The following PTER variants were observed in gnomAD, a reference collection of about 807,000 sequenced individuals.
PTER encodes N-acetyltaurine hydrolase.
PTER carries 38 observed loss-of-function variants against 29.6 expected under a neutral mutation model. That is an observed-to-expected ratio of 1.28 (90% CI 0.99 to 1.68). The LOEUF (loss-of-function observed/expected upper bound fraction) is 1.68. Ranked by LOEUF, PTER falls within the 40% of genes most tolerant of loss-of-function variation. The probability of loss-of-function intolerance (pLI) is 0.00; values close to 1 mark genes in which losing one functional copy is unlikely to be tolerated. For missense variants in PTER, 482 were observed against 427.8 expected (o/e 1.13, Z -1.12); for synonymous variants, 172 against 154.5 (o/e 1.11, Z -0.84).
intron 4 of PTER, among the ~76,000 whole-genome samples, chr10:16,506,463 A>T (rs1164792283): frequency 6.6e-6 from 1 of 152,196 alleles, no homozygotes; most frequent in African/African-American, 2.4e-5. Context: ...GACATGAAAT[A>T]ATGTTTTCCA....
At chr10:16,482,818 G>T (rs1362169427) in intron 1 of PTER, among the ~76,000 whole-genome samples, 1 of 151,818 alleles carries the variant, frequency 6.6e-6, no homozygotes, top group Admixed American at 6.6e-5. Flanking sequence ...ATCTCGCTCT[G>T]TTTCCCAGGC....
intron 1 of PTER, among the ~76,000 whole-genome samples, chr10:16,476,645 A>G (rs1482577626): frequency 6.6e-6 from 1 of 151,938 alleles, no homozygotes; most frequent in African/African-American, 2.4e-5. Context: ...GGCTCACTGC[A>G]GCCTCAGCCT....
chr10:16,443,700 G>T (rs10904741), intron 1 of PTER, among the ~76,000 whole-genome samples: 88,232 of 152,034 alleles, frequency 0.58, 26,955 homozygotes, highest in African/African-American at 0.78. Context: ...ATAATCAAGC[G>T]TACCTTGCAG....
chr10:16,472,988 T>C (rs1335640746), intron 1 of PTER, among the ~76,000 whole-genome samples: 1 of 151,478 alleles, frequency 6.6e-6, no homozygotes, highest in African/African-American at 2.4e-5. Context: ...GCTCTCCATA[T>C]TACATACCCA....
At chr10:16,450,175 G>A (rs1026342505) in intron 1 of PTER, among the ~76,000 whole-genome samples, 13 of 152,164 alleles carry the variant, frequency 8.5e-5, no homozygotes, top group African/African-American at 2.9e-4. Context: ...GTCATACTCT[G>A]AACCTCATCT....
intron 1 of PTER, among the ~76,000 whole-genome samples, chr10:16,454,798 C>T (rs1170714287): frequency 1.3e-5 from 2 of 151,472 alleles, no homozygotes; most frequent in African/African-American, 2.4e-5. Flanking sequence ...AATAATAGAA[C>T]AATAAATACT....
chr10:16,502,179 T>C (rs2133495554), intron 3 of PTER, among the ~76,000 whole-genome samples: 1 of 152,324 alleles, frequency 6.6e-6, no homozygotes, highest in South Asian at 2.1e-4. Flanking sequence ...CTGTAACTGG[T>C]GACTCCATTT....
At chr10:16,470,973 C>T (rs1383217628) in intron 1 of PTER, among the ~76,000 whole-genome samples, 2 of 152,116 alleles carry the variant, frequency 1.3e-5, no homozygotes, top group African/African-American at 4.8e-5. Context: ...CTGCTAACCC[C>T]TCATATGAGT....
rs113266550 is a variant in PTER, at chr10:16,479,136, C to T, written c.-48-5201C>T. 1.5e-3 allele frequency among the ~76,000 whole-genome samples: 231 copies of T among 151,862 alleles called. 2 individuals are homozygous for T. The highest frequency in any genetic ancestry group is 5.2e-3 in the African/African-American group (215 of 41,428). Reference sequence around the variant, plus strand: ...AATGAAACCCAACATTTTCCTCCAACGACAAGCTGCTCATTTGTGTCTCTG... The same window carrying T: ...AATGAAACCCAACATTTTCCTCCAATGACAAGCTGCTCATTTGTGTCTCTG... On this transcript the variant is annotated intron_variant, in intron 1 of 4. Coordinates refer to ENST00000535784, the MANE Select transcript of PTER (RefSeq NM_001261836.2).
chr10:16,501,368 CAT>C (rs1491360193), intron 3 of PTER, among the ~76,000 whole-genome samples: 3,680 of 45,752 alleles, frequency 0.08, 75 homozygotes, highest in South Asian at 0.31. Flanking sequence ...CACACACACA[CAT>C]GCACACACAC....
chr10:16,496,965 C>T (rs977478151), intron 3 of PTER, among the ~76,000 whole-genome samples: 1 of 144,670 alleles, frequency 6.9e-6, no homozygotes, highest in Non-Finnish European at 1.5e-5. Context: ...GATGAAATCT[C>T]ACACTGTCAC....
rs939064454 is a variant in PTER, at chr10:16,512,773, A to G, written c.*1517A>G. ...CCAGTAAAGCAAGCAAATTTTTAAA[A>G]TCTCTGTTTTTGAAATCTACTCGTC... is the stretch of plus-strand genomic sequence containing the variant. On this transcript the variant is annotated 3_prime_UTR_variant, in exon 5 of 5. Transcript: ENST00000535784. 3.9e-5 allele frequency: 6 copies of G among 152,544 alleles called. No individual in the cohort carries two copies. Among genetic ancestry groups the G allele is most frequent in the African/African-American group, 1.4e-4 (6 of 41,454 alleles). 9.4% of individuals were successfully genotyped at this position (152,544 alleles called of 1,614,324 possible).
At chr10:16,487,561 G>T (rs1443273568) in intron 3 of PTER, among the ~76,000 whole-genome samples, 2 of 152,068 alleles carry the variant, frequency 1.3e-5, no homozygotes, top group African/African-American at 2.4e-5. Context: ...ACTTTCAGAG[G>T]TTCCAAGAGT....
rs144847252 is a variant in PTER at position 16,475,420 on chromosome 10, T to C, written c.-48-8917T>C. 4.5e-3 allele frequency among the ~76,000 whole-genome samples: 692 copies of C among 152,244 alleles called. 4 individuals carry two copies. Among genetic ancestry groups the C allele is most frequent in the African/African-American group, 0.016 (659 of 41,536 alleles). On this transcript the variant is annotated intron_variant, in intron 1 of 4. Coordinates refer to ENST00000535784, the MANE Select transcript of PTER (RefSeq NM_001261836.2). ...GGGATGGCTGGAGACTCTCTTTCTC[T>C]CCATATTGTCTCAGGGCCTCTTCTC...
intron 3 of PTER, among the ~76,000 whole-genome samples, chr10:16,496,589 C>T (rs1030047416): frequency 3.9e-5 from 6 of 152,194 alleles, no homozygotes; most frequent in African/African-American, 1.2e-4. Flanking sequence ...AACAGCCAAC[C>T]ACTGTTTGAT....
chr10:16,468,514 T>C (rs2133409913), intron 1 of PTER, among the ~76,000 whole-genome samples: 1 of 152,306 alleles, frequency 6.6e-6, no homozygotes, highest in South Asian at 2.1e-4. Flanking sequence ...GATTCCTTTG[T>C]GCGAGTCTCC....
intron 1 of PTER, among the ~76,000 whole-genome samples, chr10:16,441,442 C>T (rs45520345): frequency 2.0e-5 from 3 of 151,982 alleles, no homozygotes; most frequent in Admixed American, 1.3e-4. Flanking sequence ...TATCTGATTT[C>T]GGATCTAAGA....
intron 1 of PTER, among the ~76,000 whole-genome samples, chr10:16,470,928 A>G (rs1835027500): frequency 6.6e-6 from 1 of 152,082 alleles, no homozygotes; most frequent in Non-Finnish European, 1.5e-5. Flanking sequence ...TATGATTAAG[A>G]ACTTCCCTTC....
chr10:16,497,296 A>G (rs1362340639), intron 3 of PTER, among the ~76,000 whole-genome samples: 8 of 152,102 alleles, frequency 5.3e-5, no homozygotes, highest in Non-Finnish European at 2.9e-5. Context: ...TTAAGACTCA[A>G]CTCAAATGAA....
Sources: allele counts gnomAD v4.1 joint callset (sites outside exome capture counted in the v4.1 genomes callset), GRCh38; gene constraint gnomAD v4.1.1; transcripts MANE v1.5; gene names NCBI Gene and HGNC (gene_info 2026-07-23, HGNC 2026-07-21).